The following MAD1L1 variants were observed in gnomAD, a reference collection of about 807,000 sequenced individuals.
MAD1L1 encodes the protein mitotic arrest deficient 1 like 1.
Under a neutral mutation model 96.9 loss-of-function variants are expected in MAD1L1, and 95 were observed. That is an observed-to-expected ratio of 0.98 (90% confidence interval 0.83 to 1.16). The LOEUF (loss-of-function observed/expected upper bound fraction) is 1.16, where lower values mean the gene tolerates loss of function less well. Among genes scored for constraint, MAD1L1 ranks in the 50% most tolerant of loss-of-function variants. MAD1L1 has a pLI of 0.00. For synonymous variants in MAD1L1, 473 were observed against 396.6 expected, an observed-to-expected ratio of 1.19 and a Z score of -2.29; for missense variants, 1,007 against 954.4, an observed-to-expected ratio of 1.06 and a Z score of -0.73.
In MAD1L1 at chr7:1,983,750, A is replaced by G. The variant is rs573045874; in HGVS notation, c.1417-3209T>C. Among the ~76,000 whole-genome samples, 4 of 152,364 alleles carry G rather than the reference A, an allele frequency of 2.6e-5. No homozygotes were observed. In the South Asian group the frequency reaches 8.3e-4, roughly 32 times the overall value. On this transcript the variant is annotated intron_variant, in intron 14 of 18. Coordinates refer to ENST00000265854, the MANE Select transcript of MAD1L1 (RefSeq NM_001013836.2). ...TCTCAGCACGCCTGAAAGCTCTCGCATGCTCCTGCTCAGTCAATAGCTCCA... is the reference window on the plus strand; with the variant it reads ...TCTCAGCACGCCTGAAAGCTCTCGCGTGCTCCTGCTCAGTCAATAGCTCCA...
intron 16 of MAD1L1, among the ~76,000 whole-genome samples, chr7:1,941,035 C>T (rs981362649): frequency 1.9e-4 from 6 of 31,224 alleles, no homozygotes; most frequent in Non-Finnish European, 4.8e-4. Flanking sequence ...ACACCGCGGA[C>T]CTCCTGAAGG....
intron 16 of MAD1L1, among the ~76,000 whole-genome samples, chr7:1,951,622 G>T (rs946002447): frequency 3.3e-5 from 5 of 152,038 alleles, no homozygotes; most frequent in Non-Finnish European, 5.9e-5. Context: ...CCCTGGCACC[G>T]GCCTCTCCAC....
intron 12 of MAD1L1, among the ~76,000 whole-genome samples, chr7:2,016,719 C>A (rs374548055): frequency 9.8e-5 from 15 of 152,352 alleles, no homozygotes; most frequent in African/African-American, 3.4e-4. Context: ...ACAGGTGCCA[C>A]CCTGGTGTGG....
intron 12 of MAD1L1, among the ~76,000 whole-genome samples, chr7:2,039,258 C>G (rs1281198472): frequency 6.6e-6 from 1 of 152,216 alleles, no homozygotes; most frequent in Non-Finnish European, 1.5e-5. Context: ...CGTTGTTTAA[C>G]CATCACCACC....
intron 16 of MAD1L1, among the ~76,000 whole-genome samples, chr7:1,953,645 G>A (rs917839075): frequency 6.6e-6 from 1 of 152,394 alleles, no homozygotes. Flanking sequence ...GCGGCTGGGC[G>A]AGGGATAAAG....
At position 2,094,360 on chromosome 7, in the gene MAD1L1, G is replaced by A. The variant is rs374772242; in HGVS notation, c.1074-25022C>T. Among the ~76,000 whole-genome samples, 276 of 152,314 alleles carry A rather than the reference G, an allele frequency of 1.8e-3. 9 individuals carry two copies. The South Asian group carries it at 0.054, about 30-fold the overall frequency. On this transcript the variant is annotated intron_variant, in intron 11 of 18. Coordinates refer to ENST00000265854, the MANE Select transcript of MAD1L1 (RefSeq NM_001013836.2). ...CCCACACTCTCGACAGAGGATGCCC[G>A]AGCACCCCTGTGTGTTGGAACCTGT...
chr7:1,896,321 G>A (rs573113746), intron 18 of MAD1L1, among the ~76,000 whole-genome samples: 173 of 152,360 alleles, frequency 1.1e-3, no homozygotes, highest in Middle Eastern at 3.4e-3. Context: ...GATCCTGGGC[G>A]GGCGGATGAG....
chr7:1,936,803 A>G lies in MAD1L1; in HGVS notation c.1691T>C (p.Leu564Pro). Reference protein sequence around the residue: ...RQRLREDHSQLQAECERLRGL... With the variant: ...RQRLREDHSQPQAECERLRGL... ...GCGCAGTCGCTCGCACTCCGCCTGC[A>G]GCTGGCTGTGGTCCTCGCGCAGGCG... Residue 564 changes from leucine to proline, a missense_variant, in exon 17 of 19, where the codon CTG becomes CCG. Coordinates refer to ENST00000265854, the MANE Select transcript of MAD1L1 (RefSeq NM_001013836.2). 6.3e-7 allele frequency: 1 copy of G among 1,594,890 alleles called. No homozygotes were observed. The highest frequency in any genetic ancestry group is 8.5e-7 in the Non-Finnish European group (1 of 1,171,698).
chr7:1,881,370 G>A (rs1052390383), intron 18 of MAD1L1, among the ~76,000 whole-genome samples: 1 of 152,140 alleles, frequency 6.6e-6, no homozygotes, highest in African/African-American at 2.4e-5. Flanking sequence ...GCAACCTCCA[G>A]CATAAATGGG....
At position 2,006,566 on chromosome 7, in the gene MAD1L1, T is replaced by A. The variant is rs376508547; in HGVS notation, c.1360-4445A>T. Among the ~76,000 whole-genome samples the A allele has an allele frequency of 2.7e-5, 4 of 146,768 alleles. No homozygotes were observed. In the East Asian group the frequency reaches 6.1e-4, roughly 22 times the overall value. The stretch of plus-strand genomic sequence containing the variant: ...GGCCCAGCACAGGAGAGACGGGACA[T>A]CACTAAACCCGCACGGCCCAGCACA... On this transcript the variant is annotated intron_variant, in intron 13 of 18. Transcript: ENST00000265854.
chr7:1,958,910 G>A (rs1017762659), intron 15 of MAD1L1, among the ~76,000 whole-genome samples: 11 of 152,202 alleles, frequency 7.2e-5, no homozygotes, highest in African/African-American at 2.2e-4. Flanking sequence ...GAATCCGTAA[G>A]AGAAAAGTTT....
chr7:2,161,559 G>T (rs1281681022), intron 10 of MAD1L1, among the ~76,000 whole-genome samples: 2 of 152,048 alleles, frequency 1.3e-5, no homozygotes, highest in African/African-American at 4.8e-5. Context: ...TCTCTGACCG[G>T]CCGCCCATCG....
intron 18 of MAD1L1, among the ~76,000 whole-genome samples, chr7:1,890,290 G>A (rs192444791): frequency 1.4e-4 from 22 of 152,312 alleles, no homozygotes; most frequent in African/African-American, 4.3e-4. Flanking sequence ...AGGTGTCTGC[G>A]TCATGGGGTC....
chr7:1,839,270 A>G (rs1380936193), intron 18 of MAD1L1, among the ~76,000 whole-genome samples: 1 of 152,066 alleles, frequency 6.6e-6, no homozygotes. Flanking sequence ...GTCACCGTCT[A>G]GTCCCCACCC....
chr7:2,008,350 C>A (rs977319868), intron 13 of MAD1L1, among the ~76,000 whole-genome samples: 1 of 152,214 alleles, frequency 6.6e-6, no homozygotes, highest in African/African-American at 2.4e-5. Context: ...TGTGGAAACA[C>A]CCTGGACAGT....
chr7:1,841,990 A>C (rs1483945085), intron 18 of MAD1L1, among the ~76,000 whole-genome samples: 1 of 152,182 alleles, frequency 6.6e-6, no homozygotes, highest in Non-Finnish European at 1.5e-5. Context: ...CTCGGCCGCC[A>C]TCTTCCTGTG....
intron 11 of MAD1L1, among the ~76,000 whole-genome samples, chr7:2,131,636 C>T (rs1235959389): frequency 1.3e-5 from 2 of 152,354 alleles, no homozygotes; most frequent in South Asian, 2.1e-4. Context: ...TTCGTGCCTG[C>T]ACCAGCTGGG....
chr7:1,922,812 A>G (rs1226750835), intron 17 of MAD1L1, among the ~76,000 whole-genome samples: 2 of 152,084 alleles, frequency 1.3e-5, no homozygotes, highest in East Asian at 3.9e-4. Flanking sequence ...TGGTTTGCCG[A>G]GTTTCCCCAT....
chr7:1,970,807 TGTG>T (rs1780369727), intron 15 of MAD1L1, among the ~76,000 whole-genome samples: 1 of 152,178 alleles, frequency 6.6e-6, no homozygotes, highest in Admixed American at 6.5e-5. Context: ...ACTGCAGGCA[TGTG>T]GTGGTAAGAA....
Sources: gnomAD v4.1 joint callset for allele counts (sites outside exome capture counted in the v4.1 genomes callset) on GRCh38, gnomAD v4.1.1 for gene constraint, MANE v1.5 for transcripts, NCBI Gene and HGNC (gene_info 2026-07-23, HGNC 2026-07-21) for gene names.